Variants in TBC1D19 observed in about 807,000 individuals in gnomAD.
TBC1D19 encodes TBC1 domain family member 19.
Under a neutral mutation model 89.0 loss-of-function variants are expected in TBC1D19, and 60 were observed. The ratio of observed to expected loss-of-function variants is 0.67; its 90% confidence interval spans 0.55 to 0.84. The LOEUF (loss-of-function observed/expected upper bound fraction) is 0.84, where lower values mean the gene tolerates loss of function less well. Among genes scored for constraint, TBC1D19 ranks in the 40% least tolerant of loss-of-function variants. The pLI, the probability that TBC1D19 is intolerant of heterozygous loss-of-function variation, is 0.00. For synonymous variants in TBC1D19, 189 were observed against 199.7 expected (o/e 0.95, Z 0.45); for missense variants, 500 against 610.8 (o/e 0.82, Z 1.91).
intron 4 of TBC1D19, among the ~76,000 whole-genome samples, chr4:26,633,543 G>C (rs1452688273): frequency 6.6e-6 from 1 of 152,112 alleles, no homozygotes; most frequent in East Asian, 1.9e-4. Flanking sequence ...CTGGCAATTG[G>C]TGTTTATCTT....
chr4:26,707,611 C>T (rs534241538), intron 13 of TBC1D19, among the ~76,000 whole-genome samples: 1 of 151,814 alleles, frequency 6.6e-6, no homozygotes, highest in South Asian at 2.1e-4. Flanking sequence ...CTCTCATTTT[C>T]TGTATTGCTG....
intron 4 of TBC1D19, among the ~76,000 whole-genome samples, chr4:26,631,282 T>C (rs1393823977): frequency 6.6e-6 from 1 of 152,106 alleles, no homozygotes; most frequent in Non-Finnish European, 1.5e-5. Flanking sequence ...GTTTTTTCTG[T>C]AGTTTATGAC....
At chr4:26,741,599 G>A (rs1335660882) in intron 17 of TBC1D19, among the ~76,000 whole-genome samples, 1 of 150,470 alleles carries the variant, frequency 6.6e-6, no homozygotes, top group African/African-American at 2.4e-5. Context: ...CTTTTTCAGC[G>A]AATTGATTGA....
chr4:26,735,578 T>C lies in TBC1D19; in HGVS notation c.1117+91T>C, dbSNP rs1005959377. ...AATAATGACTGACAGATATAATTGT[T>C]TTACTATAGTAAAACAATAAAGGAA... On this transcript the variant is annotated intron_variant, in intron 16 of 20. Transcript: ENST00000264866. The C allele has an allele frequency of 1.4e-5, 17 of 1,191,124 alleles. No homozygotes were observed. The African/African-American group carries it at 2.7e-4, about 19-fold the overall frequency. The allele number at this position is 1,191,124 out of a possible 1,614,324, so 73.8% of individuals were successfully genotyped here.
intron 1 of TBC1D19, among the ~76,000 whole-genome samples, chr4:26,599,950 C>CAAAAAAAAAAAAAAAAAAA (rs36092049): frequency 1.4e-5 from 1 of 72,782 alleles, no homozygotes; most frequent in Admixed American, 2.2e-4. Flanking sequence ...TCTGTCTCTC[C>CAAAAAAAAAAAAAAAAAAA]AAAAAAAAAA....
intron 1 of TBC1D19, among the ~76,000 whole-genome samples, chr4:26,588,333 T>G (rs758900037): frequency 6.6e-6 from 1 of 152,158 alleles, no homozygotes; most frequent in African/African-American, 2.4e-5. Context: ...CCATGTGTTC[T>G]TTTTCCCTAA....
chr4:26,674,561 G>A (rs1004719163), intron 11 of TBC1D19, among the ~76,000 whole-genome samples: 13 of 151,974 alleles, frequency 8.6e-5, no homozygotes, highest in African/African-American at 3.1e-4. Context: ...CTAGCCTGGT[G>A]TTTAAAAACA....
chr4:26,627,069 G>A (rs1321587549), intron 4 of TBC1D19, among the ~76,000 whole-genome samples: 1 of 151,650 alleles, frequency 6.6e-6, no homozygotes, highest in African/African-American at 2.4e-5. Flanking sequence ...TCCCCAGGGT[G>A]TGATGTTCCC....
chr4:26,749,390 A>G (rs913421346), intron 19 of TBC1D19, among the ~76,000 whole-genome samples: 7 of 151,470 alleles, frequency 4.6e-5, no homozygotes, highest in African/African-American at 1.7e-4. Flanking sequence ...AATAAAGCTT[A>G]GTTGAAGAAG....
intron 1 of TBC1D19, among the ~76,000 whole-genome samples, chr4:26,594,797 C>T (rs972702739): frequency 1.3e-5 from 2 of 152,168 alleles, no homozygotes; most frequent in East Asian, 1.9e-4. Flanking sequence ...CTCAACCCCT[C>T]GGTCTCTCTG....
chr4:26,755,745 C>A lies in TBC1D19; in HGVS notation c.*798C>A, dbSNP rs1207905433. On this transcript the variant is annotated 3_prime_UTR_variant, in exon 21 of 21. Transcript: ENST00000264866. ...CACCCAAGAGAATGAGGAGTCAAAACCCCATTCACTTTTGCTGAAGCTTGG... is the reference window on the plus strand; with the variant it reads ...CACCCAAGAGAATGAGGAGTCAAAAACCCATTCACTTTTGCTGAAGCTTGG... Among the ~76,000 whole-genome samples the A allele has an allele frequency of 3.3e-5, 5 of 152,134 alleles. No homozygotes were observed. Among genetic ancestry groups the A allele is most frequent in the Admixed American group, 2.6e-4 (4 of 15,268 alleles).
chr4:26,624,425 G>A (rs1323003384), intron 4 of TBC1D19, among the ~76,000 whole-genome samples: 2 of 151,964 alleles, frequency 1.3e-5, no homozygotes, highest in African/African-American at 2.4e-5. Context: ...CACCCAGGCT[G>A]GAGTGCAGTG....
chr4:26,806,305 T>G, the TBC1D19 span, among the ~76,000 whole-genome samples: 318 of 152,302 alleles, frequency 2.1e-3, no homozygotes, highest in African/African-American at 7.2e-3. Flanking sequence ...CTGTGACCTG[T>G]GGCAAGTACT....
chr4:26,836,980 G>C, the TBC1D19 span, among the ~76,000 whole-genome samples: 2 of 152,056 alleles, frequency 1.3e-5, no homozygotes, highest in African/African-American at 2.4e-5. Flanking sequence ...GTCTATTTTC[G>C]AGCCTGGACC....
chr4:26,715,691 T>C (rs1716549416), intron 13 of TBC1D19, among the ~76,000 whole-genome samples: 1 of 152,086 alleles, frequency 6.6e-6, no homozygotes, highest in Non-Finnish European at 1.5e-5. Context: ...TCATCAGATA[T>C]AGGCCATTTC....
chr4:26,685,163 AAAT>A (rs1713699792), intron 12 of TBC1D19, among the ~76,000 whole-genome samples: 1 of 152,192 alleles, frequency 6.6e-6, no homozygotes, highest in South Asian at 2.1e-4. Flanking sequence ...AGAAATGCTA[AAAT>A]AATGCAAGTG....
chr4:26,598,400 T>G (rs1577773215), intron 1 of TBC1D19, among the ~76,000 whole-genome samples: 1 of 48,308 alleles, frequency 2.1e-5, no homozygotes, highest in Non-Finnish European at 6.5e-5. Flanking sequence ...AATATTCTTC[T>G]TTTTTTTTTC....
At chr4:26,644,902 A>G (rs911655406) in intron 7 of TBC1D19, among the ~76,000 whole-genome samples, 1 of 152,230 alleles carries the variant, frequency 6.6e-6, no homozygotes, top group Non-Finnish European at 1.5e-5. Context: ...ACTACAAACC[A>G]CTGTTCAATG....
chr4:26,652,535 C>T (rs1744471722), intron 7 of TBC1D19, among the ~76,000 whole-genome samples: 2 of 152,150 alleles, frequency 1.3e-5, no homozygotes. Flanking sequence ...GCCACCGCAC[C>T]CGGCCAGAGC....
Sources: gnomAD v4.1 joint callset for allele counts (sites outside exome capture counted in the v4.1 genomes callset) on GRCh38, gnomAD v4.1.1 for gene constraint, MANE v1.5 for transcripts, NCBI Gene and HGNC (gene_info 2026-07-23, HGNC 2026-07-21) for gene names.